FBXO32: variants seen among roughly 807,000 people sequenced by gnomAD.
FBXO32 encodes F-box only protein 32.
In FBXO32, 15 loss-of-function variants were observed where a neutral mutation model predicts 48.3. The observed-to-expected ratio is 0.31, with a 90% CI of 0.21 to 0.48. The LOEUF is 0.48. Ranked by LOEUF, FBXO32 falls within the 20% of genes least tolerant of loss-of-function variation. FBXO32 has a pLI of 0.99. For synonymous variants in FBXO32, 154 were observed against 165.9 expected (o/e 0.93, Z 0.55); for missense variants, 309 against 432.7 (o/e 0.71, Z 2.54).
Position 123,503,427 on chromosome 8 carries a change from C to T in FBXO32, c.1014G>A (p.Glu338=), listed in dbSNP as rs138014008. The change falls in exon 9 of 9, where the codon GAG becomes GAA. Residue 338 remains glutamate, a synonymous_variant. Transcript: ENST00000517956. ...GGGGTGAAAGTGAAACGGAGCAGCT[C>T]TCTGGGTTATTGGCAGTGCACGGAT... ...TDHPCTANNP[E]SCSVSLSPQD... 9.8e-5 allele frequency: 158 copies of T among 1,614,136 alleles called. No homozygotes were observed. The African/African-American group carries it at 1.8e-3, about 18-fold the overall frequency.
chr8:123,504,830 A>G, intron 7 of FBXO32, 83 bp from the exon 8 acceptor site: 21 of 1,352,020 alleles, frequency 1.6e-5, no homozygotes, highest in Non-Finnish European at 2.2e-5. Context: ...GAAAAGGTTT[A>G]CTCTCACCCT....
At chr8:123,516,151 C>CT (rs1816834999) in intron 4 of FBXO32, among the ~76,000 whole-genome samples, 1 of 152,204 alleles carries the variant, frequency 6.6e-6, no homozygotes, top group Non-Finnish European at 1.5e-5. Flanking sequence ...AGTGAGGACT[C>CT]AGCAGAGTCC....
intron 4 of FBXO32, among the ~76,000 whole-genome samples, chr8:123,526,005 A>C (rs971514873): frequency 1.3e-5 from 2 of 151,820 alleles, no homozygotes; most frequent in Non-Finnish European, 2.9e-5. Context: ...AGTCTGTCCA[A>C]TGTCCTTTTC....
chr8:123,511,966 A>G (rs747848542), intron 6 of FBXO32, among the ~76,000 whole-genome samples: 7 of 152,198 alleles, frequency 4.6e-5, no homozygotes, highest in Admixed American at 2.6e-4. Context: ...TCTGTGAGAG[A>G]TAAGTTGGGA....
At chr8:123,529,571 G>A (rs866582521) in intron 4 of FBXO32, among the ~76,000 whole-genome samples, 7 of 152,170 alleles carry the variant, frequency 4.6e-5, no homozygotes, top group Non-Finnish European at 1.0e-4. Context: ...GCTAGGACCT[G>A]CCCTCAGGCT....
chr8:123,515,323 C>T (rs1187159879), intron 4 of FBXO32, among the ~76,000 whole-genome samples: 1 of 152,116 alleles, frequency 6.6e-6, no homozygotes, highest in African/African-American at 2.4e-5. Context: ...GCAACCTCCG[C>T]CTCCCAGGTT....
rs539171516 is a variant in FBXO32, at chr8:123,512,984, C to T, written c.651+214G>A. ...CCATAATAGTTCACCAGGCTGTCATCTTTCATGTACTTTGATCCCGTTTTG... is the reference window on the plus strand; with the variant it reads ...CCATAATAGTTCACCAGGCTGTCATTTTTCATGTACTTTGATCCCGTTTTG... On this transcript the variant is annotated intron_variant, in intron 6 of 8. Coordinates refer to ENST00000517956, the MANE Select transcript of FBXO32 (RefSeq NM_058229.4). Among the ~76,000 whole-genome samples the T allele has an allele frequency of 3.6e-4, 55 of 152,350 alleles. No individual in the cohort carries two copies. The South Asian group carries it at 0.011, about 29-fold the overall frequency.
At chr8:123,524,138 T>C (rs1817021911) in intron 4 of FBXO32, among the ~76,000 whole-genome samples, 1 of 152,178 alleles carries the variant, frequency 6.6e-6, no homozygotes, top group African/African-American at 2.4e-5. Flanking sequence ...GGAACCCTAA[T>C]TTCTGTGGGT....
In FBXO32 at chr8:123,506,330, G is replaced by C; in HGVS notation, c.834+62C>G. 2 of 1,568,272 alleles carry C rather than the reference G, an allele frequency of 1.3e-6. No individual in the cohort carries two copies. The highest frequency in any genetic ancestry group is 2.3e-5 in the East Asian group (1 of 43,816). On this transcript the variant is annotated intron_variant, in intron 7 of 8. Transcript: ENST00000517956. This position sits in a 1 kb window ranked among gnomAD's most constrained non-coding sequence, Gnocchi z 4.0. ...ACCTCAGGCTTGAGCAGGGCACCAA[G>C]GAAGTTTGGGGTGAGGGCCAGAGAA... is the stretch of plus-strand genomic sequence containing the variant.
chr8:123,518,223 T>C (rs1043686497), intron 4 of FBXO32, among the ~76,000 whole-genome samples: 1 of 152,256 alleles, frequency 6.6e-6, no homozygotes, highest in Non-Finnish European at 1.5e-5. Flanking sequence ...TAATAGTACC[T>C]ACTTCAAAGT....
intron 4 of FBXO32, among the ~76,000 whole-genome samples, chr8:123,530,241 A>G (rs1004188105): frequency 6.6e-6 from 1 of 152,160 alleles, no homozygotes; most frequent in Non-Finnish European, 1.5e-5. Context: ...TTATCAGGTC[A>G]CTTTGGACAG....
rs1816614456 is a variant in FBXO32, at chr8:123,506,201, C to G, written c.834+191G>C. ...CTATGATTGCATCACTGCACTCCAG[C>G]CTGGGCCACAGAGCGAGACCCTGTC... On this transcript the variant is annotated intron_variant, in intron 7 of 8. Transcript: ENST00000517956. This position sits in a 1 kb window ranked among gnomAD's most constrained non-coding sequence, Gnocchi z 4.0. 1.3e-5 allele frequency among the ~76,000 whole-genome samples: 2 copies of G among 152,198 alleles called. No homozygotes were observed. Among genetic ancestry groups the G allele is most frequent in the African/African-American group, 2.4e-5 (1 of 41,442 alleles).
intron 7 of FBXO32, among the ~76,000 whole-genome samples, chr8:123,505,976 G>A (rs1816608655): frequency 6.6e-6 from 1 of 151,886 alleles, no homozygotes; most frequent in Non-Finnish European, 1.5e-5. Context: ...TAATCCCAGA[G>A]CTTTGGGGGT....
At chr8:123,532,234 T>C in intron 3 of FBXO32, 6 of 1,269,074 alleles carry the variant, frequency 4.7e-6, no homozygotes, top group Middle Eastern at 3.0e-4. Flanking sequence ...TTTCGTGACT[T>C]GTACCATTTG....
intron 1 of FBXO32, among the ~76,000 whole-genome samples, chr8:123,535,091 C>T (rs1306014118): frequency 4.1e-5 from 6 of 147,282 alleles, no homozygotes; most frequent in Non-Finnish European, 7.6e-5. Context: ...ATTTGACACA[C>T]AGCACTGTAC....
intron 4 of FBXO32, chr8:123,527,135 T>C (rs1236699907): frequency 6.6e-6 from 1 of 152,188 alleles, no homozygotes; most frequent in Non-Finnish European, 1.5e-5. Flanking sequence ...TCATGGGCCA[T>C]ACAAAAACAG....
Position 123,506,653 on chromosome 8 carries a change from T to C in FBXO32, c.652-79A>G. 7.8e-7 allele frequency: 1 copy of C among 1,278,238 alleles called. No individual in the cohort carries two copies. The highest frequency in any genetic ancestry group is 1.1e-6 in the Non-Finnish European group (1 of 917,056). The allele number at this position is 1,278,238 out of a possible 1,614,324, so 79.2% of individuals were successfully genotyped here. A position where few individuals can be genotyped will look rare whatever the true frequency, so the allele number is the denominator to read the frequency against. ...AGGCCACACCCTCCAGGCATGCAGC[T>C]GTGCCCGTCCTCCACCCTCAAGGCA... is the stretch of plus-strand genomic sequence containing the variant. On this transcript the variant is annotated intron_variant, in intron 6 of 8. Coordinates refer to ENST00000517956, the MANE Select transcript of FBXO32 (RefSeq NM_058229.4). The surrounding 1 kb of genome is among the most constrained non-coding windows in gnomAD (Gnocchi z 4.0).
chr8:123,535,083 T>C (rs1817284318), intron 1 of FBXO32, among the ~76,000 whole-genome samples: 2 of 149,006 alleles, frequency 1.3e-5, no homozygotes, highest in South Asian at 4.4e-4. Context: ...GCATTGTAAT[T>C]TGACACACAG....
At chr8:123,530,634 GAGAC>G (rs1327683136) in intron 4 of FBXO32, among the ~76,000 whole-genome samples, 1 of 151,982 alleles carries the variant, frequency 6.6e-6, no homozygotes, top group African/African-American at 2.4e-5. Flanking sequence ...TTTCTTTTTT[GAGAC>G]AGAGTCTCGC....
Sources: allele counts gnomAD v4.1 joint callset (sites outside exome capture counted in the v4.1 genomes callset), GRCh38; gene constraint gnomAD v4.1.1; non-coding constraint Gnocchi (gnomAD v3.1); transcripts MANE v1.5; gene names NCBI Gene and HGNC (gene_info 2026-07-23, HGNC 2026-07-21).